Variants in CEP350 observed in about 807,000 individuals in gnomAD.
The protein encoded by CEP350 is centrosomal protein 350.
Under a neutral mutation model 331.8 loss-of-function variants are expected in CEP350, and 126 were observed. The observed-to-expected ratio is 0.38, with a 90% CI of 0.33 to 0.44. CEP350 has a LOEUF of 0.44. CEP350 is among the 20% of genes least tolerant of loss of function. The pLI is 1.00. For missense variants in CEP350, 3,406 were observed against 3,634.6 expected (o/e 0.94, Z 1.62); for synonymous variants, 1,200 against 1,259.5 (o/e 0.95, Z 1.00).
intron 32 of CEP350, among the ~76,000 whole-genome samples, chr1:180,088,812 A>G (rs1040830499): frequency 3.3e-5 from 5 of 152,224 alleles, no homozygotes; most frequent in Admixed American, 1.3e-4. Flanking sequence ...AAGACTTAAC[A>G]GGGCTTAGGA....
intron 4 of CEP350, among the ~76,000 whole-genome samples, chr1:179,991,667 A>ATG (rs751570955): frequency 0.012 from 1,087 of 90,184 alleles, 11 homozygotes; most frequent in African/African-American, 0.026. Flanking sequence ...ATATATATAT[A>ATG]TGTGTGTGTG....
Position 180,013,910 on chromosome 1 carries a change from G to C in CEP350, c.1457G>C (p.Arg486Thr), listed in dbSNP as rs773519580. 1.2e-6 allele frequency: 2 copies of C among 1,613,624 alleles called. No homozygotes were observed. The highest frequency in any genetic ancestry group is 2.2e-5 in the South Asian group (2 of 91,032). ...RLDVLHRHLQ[R>T]NSERSRSKSR... ...GACGTTTTACATAGACATCTTCAAAGAAACTCAGAACGTTCGAGAAGTAAA... is the reference window on the plus strand; with the variant it reads ...GACGTTTTACATAGACATCTTCAAACAAACTCAGAACGTTCGAGAAGTAAA... Residue 486 changes from arginine (R) to threonine (T), a missense_variant, in exon 10 of 38, where the codon AGA becomes ACA. Arg to Thr is a moderately conservative substitution (Grantham distance 71, BLOSUM62 -1). Transcript: ENST00000367607.
intron 1 of CEP350, among the ~76,000 whole-genome samples, chr1:179,961,344 A>G (rs1650598504): frequency 6.6e-6 from 1 of 152,128 alleles, no homozygotes; most frequent in Admixed American, 6.6e-5. Flanking sequence ...GTTACTCAGT[A>G]GGCTAAGGCA....
Position 180,020,440 on chromosome 1 carries a change from T to C in CEP350, c.2666T>C (p.Phe889Ser), listed in dbSNP as rs371696567. ...GTGAAAGATGATAATGAAGATGTTT[T>C]CTCTGCCAGAATTCAGAAGATGCTG... ...PPVKDDNEDVFSARIQKMLGS... is the reference protein window; with the variant it reads ...PPVKDDNEDVSSARIQKMLGS... The change falls in exon 12 of 38, where the codon TTC becomes TCC. Residue 889 changes from phenylalanine (F) to serine (S), a missense_variant. Phe to Ser is a radical substitution (Grantham distance 155). Transcript: ENST00000367607. The C allele has an allele frequency of 1.9e-6, 3 of 1,613,976 alleles. No individual in the cohort carries two copies. The East Asian group carries it at 6.7e-5, about 36-fold the overall frequency.
chr1:180,105,724 T>G (rs902565361), intron 37 of CEP350, among the ~76,000 whole-genome samples: 3 of 152,238 alleles, frequency 2.0e-5, no homozygotes, highest in African/African-American at 7.2e-5. Context: ...ATTGTGGTGA[T>G]TCTTTTATCA....
chr1:179,958,379 T>G (rs1032568090), intron 1 of CEP350, among the ~76,000 whole-genome samples: 1 of 152,348 alleles, frequency 6.6e-6, no homozygotes, highest in Admixed American at 6.5e-5. Context: ...TAAGAATGTT[T>G]ATATTAGCAT....
At chr1:180,090,887 A>G (rs1332283356) in intron 33 of CEP350, 91 bp downstream of exon 33, 6 of 1,105,222 alleles carry the variant, frequency 5.4e-6, no homozygotes, top group Non-Finnish European at 7.2e-6. Flanking sequence ...TAGCTTTTTT[A>G]TTAAAAAGTG....
chr1:180,093,299 G>T lies in CEP350; in HGVS notation c.7194G>T (p.Glu2398Asp), dbSNP rs1201000953. The change falls in exon 34 of 38, where the codon GAG (glutamate) becomes GAT (aspartate). Residue 2398 changes from glutamate (E) to aspartate (D), a missense_variant. By Grantham distance (45) the Glu-to-Asp change is conservative. This residue lies in a region of CEP350 where 1,415 missense variants were observed against 1,512.3 expected (regional missense o/e 0.94). Coordinates refer to ENST00000367607, the MANE Select transcript of CEP350 (RefSeq NM_014810.5). ...CTGAATTGTACAAAGATGATTTTGA[G>T]GTGTCATCTTTGCTGTCACTCAGGA... ...ISAELYKDDF[E>D]VSSLLSLRKD... The T allele has an allele frequency of 6.3e-7, 1 of 1,597,846 alleles. No homozygotes were observed. Among genetic ancestry groups the T allele is most frequent in the Admixed American group, 1.8e-5 (1 of 57,142 alleles).
intron 37 of CEP350, among the ~76,000 whole-genome samples, chr1:180,107,483 A>T (rs1158487978): frequency 6.6e-6 from 1 of 152,232 alleles, no homozygotes; most frequent in Non-Finnish European, 1.5e-5. Context: ...AGCCTGGCCA[A>T]CATGGTGAAA....
At chr1:180,004,141 G>A (rs753644285) in intron 7 of CEP350, among the ~76,000 whole-genome samples, 14 of 152,166 alleles carry the variant, frequency 9.2e-5, no homozygotes, top group Non-Finnish European at 1.0e-4. Flanking sequence ...TCAGTTATTA[G>A]TTGAGTATAC....
At chr1:179,969,042 C>T in intron 1 of CEP350, 1 of 742,264 alleles carries the variant, frequency 1.3e-6, no homozygotes, top group Non-Finnish European at 2.5e-6. Flanking sequence ...CAAACTGAAG[C>T]ATCTTAGGTT....
chr1:180,050,352 T>C (rs950030592), intron 22 of CEP350, among the ~76,000 whole-genome samples: 1 of 152,056 alleles, frequency 6.6e-6, no homozygotes, highest in African/African-American at 2.4e-5. Flanking sequence ...CTAGAATATA[T>C]AAAGAACTCT....
intron 7 of CEP350, among the ~76,000 whole-genome samples, chr1:180,004,877 T>TGGCTGGCTG (rs1558092840): frequency 2.1e-4 from 15 of 72,918 alleles, no homozygotes; most frequent in African/African-American, 6.7e-4. Context: ...CTGGCTGGCT[T>TGGCTGGCTG]GCTTGCTTGC....
chr1:180,002,491 G>GAAATA (rs1234095293), intron 6 of CEP350, among the ~76,000 whole-genome samples: 1 of 151,100 alleles, frequency 6.6e-6, no homozygotes, highest in Non-Finnish European at 1.5e-5. Context: ...AAAATAAAAT[G>GAAATA]AAATAAAATA....
intron 6 of CEP350, among the ~76,000 whole-genome samples, chr1:179,998,308 T>TTTC (rs1553253296): frequency 6.5e-5 from 9 of 139,380 alleles, no homozygotes; most frequent in Non-Finnish European, 1.3e-4. Flanking sequence ...ATTTTCTTTT[T>TTTC]TTTTTTTTTT....
intron 14 of CEP350, among the ~76,000 whole-genome samples, chr1:180,026,080 C>T (rs1371381314): frequency 6.6e-6 from 1 of 151,976 alleles, no homozygotes; most frequent in Non-Finnish European, 1.5e-5. Context: ...TTTAAACCAG[C>T]CTGGCCAATA....
intron 25 of CEP350, among the ~76,000 whole-genome samples, chr1:180,058,618 GATA>G (rs1421267904): frequency 4.6e-5 from 7 of 152,122 alleles, no homozygotes; most frequent in Non-Finnish European, 7.4e-5. Flanking sequence ...TCTATTTATA[GATA>G]ATAACATATT....
chr1:179,959,958 G>C (rs555492911), intron 1 of CEP350, among the ~76,000 whole-genome samples: 1 of 151,978 alleles, frequency 6.6e-6, no homozygotes, highest in Non-Finnish European at 1.5e-5. Flanking sequence ...ACTTAATGTT[G>C]TCCATAAGTA....
At position 180,044,168 on chromosome 1, in the gene CEP350, T is replaced by C. The variant is rs1293070216; in HGVS notation, c.4617T>C (p.Asp1539=). 2 of 1,562,756 alleles carry C rather than the reference T, an allele frequency of 1.3e-6. No individual in the cohort carries two copies. Among genetic ancestry groups the C allele is most frequent in the Non-Finnish European group, 8.7e-7 (1 of 1,154,694 alleles). The change falls in exon 21 of 38, where the codon GAT becomes GAC. Residue 1539 remains aspartate (D), a synonymous_variant. Transcript: ENST00000367607. ...AGTCTTCAGGATACAAGAATCATGATAGAAGGTGAAGACAATTTGATTTCT... is the reference window on the plus strand; with the variant it reads ...AGTCTTCAGGATACAAGAATCATGACAGAAGGTGAAGACAATTTGATTTCT... ...YSESSGYKNH[D]RRSSSGSSRQ... is the part of the protein sequence containing the mutation.
Sources: allele counts gnomAD v4.1 joint callset (sites outside exome capture counted in the v4.1 genomes callset), GRCh38; gene constraint gnomAD v4.1.1; regional missense constraint gnomAD v4.1.1; transcripts MANE v1.5; gene names NCBI Gene and HGNC (gene_info 2026-07-23, HGNC 2026-07-21).